Variants in NANS observed in about 807,000 individuals in gnomAD.
The protein encoded by NANS is N-acetylneuraminate synthase.
In NANS, 29 loss-of-function variants were observed where a neutral mutation model predicts 33.3. The observed-to-expected ratio is 0.87, with a 90% CI of 0.65 to 1.19. The LOEUF (loss-of-function observed/expected upper bound fraction) is 1.19, where lower values mean the gene tolerates loss of function less well. Ranked by LOEUF, NANS falls within the 50% of genes most tolerant of loss-of-function variation. NANS has a pLI of 0.00. For missense variants in NANS, 394 were observed against 461.1 expected, an observed-to-expected ratio of 0.85 and a Z score of 1.33; for synonymous variants, 163 against 177.2, an observed-to-expected ratio of 0.92 and a Z score of 0.64.
At chr9:98,077,082 A>G (rs1829626723) in intron 3 of NANS, 65 bp downstream of exon 3, 1 of 1,181,590 alleles carries the variant, frequency 8.5e-7, no homozygotes, top group South Asian at 1.4e-5. Context: ...TACTCCCCTC[A>G]TGGTGGCCCA....
intron 2 of NANS, among the ~76,000 whole-genome samples, chr9:98,066,156 A>G (rs1378332172): frequency 6.6e-6 from 1 of 152,208 alleles, no homozygotes; most frequent in Non-Finnish European, 1.5e-5. Context: ...GAGAAATGTT[A>G]TGTGTGCATT....
intron 2 of NANS, among the ~76,000 whole-genome samples, chr9:98,064,973 T>C (rs1829093204): frequency 6.6e-6 from 1 of 152,160 alleles, no homozygotes; most frequent in Non-Finnish European, 1.5e-5. Flanking sequence ...TTAGATATAT[T>C]GCTGATCTTC....
At chr9:98,078,062 G>A in intron 3 of NANS, 131 bp from the exon 4 acceptor site, 3 of 1,352,264 alleles carry the variant, frequency 2.2e-6, no homozygotes, top group South Asian at 1.5e-5. Flanking sequence ...TCCCCCACAG[G>A]GGCTGGCACA....
chr9:98,073,271 C>CCTTTTTTTTTTTTTTTTTTT (rs1564161444), intron 2 of NANS, among the ~76,000 whole-genome samples: 1 of 57,826 alleles, frequency 1.7e-5, no homozygotes, highest in Non-Finnish European at 3.0e-5. Context: ...TCACCATGGG[C>CCTTTTTTTTTTTTTTTTTTT]TTTTTTTTTT....
At chr9:98,081,258 T>C in intron 5 of NANS, 176 bp downstream of exon 5, 1 of 799,638 alleles carries the variant, frequency 1.3e-6, no homozygotes, top group Non-Finnish European at 1.9e-6. Flanking sequence ...CATGTCACTC[T>C]GGCCTGTAGC....
At chr9:98,057,917 T>C (rs867605757) in intron 1 of NANS, among the ~76,000 whole-genome samples, 12 of 119,254 alleles carry the variant, frequency 1.0e-4, no homozygotes, top group African/African-American at 2.2e-4. Flanking sequence ...TTTTTTTTTT[T>C]CCTGGTTTTT....
At position 98,072,036 on chromosome 9, in the gene NANS, C is replaced by G. The variant is rs111750383; in HGVS notation, c.349-4882C>G. Among the ~76,000 whole-genome samples, 496 of 152,288 alleles carry G rather than the reference C, an allele frequency of 3.3e-3. 2 individuals are homozygous for G. The highest frequency in any genetic ancestry group is 0.011 in the African/African-American group (477 of 41,552). On this transcript the variant is annotated intron_variant, in intron 2 of 5. Coordinates refer to ENST00000210444, the MANE Select transcript of NANS (RefSeq NM_018946.4). ...TCCTTGGTTTTCCTTCCCTCTGCTC[C>G]CCAGGCAGCCCATTTGCTTGGTGTC...
At chr9:98,068,665 A>AAG (rs1463776822) in intron 2 of NANS, among the ~76,000 whole-genome samples, 1 of 151,224 alleles carries the variant, frequency 6.6e-6, no homozygotes, top group African/African-American at 2.4e-5. Flanking sequence ...AAAAAAAAAA[A>AAG]AGCCAGGCAT....
chr9:98,062,399 GTCCCATCTGCTC>G (rs1201099370), intron 2 of NANS, among the ~76,000 whole-genome samples: 1 of 152,030 alleles, frequency 6.6e-6, no homozygotes. Flanking sequence ...CAGGTCTCAG[GTCCCATCTGCTC>G]TGTGACCTGC....
At chr9:98,064,807 A>G (rs1251757281) in intron 2 of NANS, among the ~76,000 whole-genome samples, 1 of 151,828 alleles carries the variant, frequency 6.6e-6, no homozygotes, top group Non-Finnish European at 1.5e-5. Flanking sequence ...CAGAGCGTAG[A>G]CTCCCACTGT....
Position 98,057,921 on chromosome 9 carries a change from G to GTTT in NANS, c.132+981_132+982insTTT, listed in dbSNP as rs1491129722. Among the ~76,000 whole-genome samples, 316 of 87,438 alleles carry GTTT rather than the reference G, an allele frequency of 3.6e-3. 11 individuals are homozygous for GTTT. Among genetic ancestry groups the GTTT allele is most frequent in the Admixed American group, 0.033 (252 of 7,628 alleles). 57.4% of individuals were successfully genotyped at this position (87,438 alleles called of 152,430 possible). On this transcript the variant is annotated intron_variant, in intron 1 of 5. Coordinates refer to ENST00000210444, the MANE Select transcript of NANS (RefSeq NM_018946.4). Reference sequence around the variant, plus strand: ...CTTACTGTTTTTTTTTTTTTTTCCTGGTTTTTTTTTTTTTTTTTTTTGAGA... The same window carrying GTTT: ...CTTACTGTTTTTTTTTTTTTTTCCTGTTTGTTTTTTTTTTTTTTTTTTTTGAGA...
Position 98,080,906 on chromosome 9 carries a change from G to T in NANS, c.694G>T (p.Ala232Ser), listed in dbSNP as rs756816541. The change falls in exon 5 of 6, where the codon GCC becomes TCC. Residue 232 changes from alanine to serine, a missense_variant. By Grantham distance (99) the Ala-to-Ser change is moderately conservative. Coordinates refer to ENST00000210444, the MANE Select transcript of NANS (RefSeq NM_018946.4). ...AISVAAVALG[A>S]KVLERHITLD... The stretch of plus-strand genomic sequence containing the variant: ...ATCTGTGGCCGCAGTGGCTCTGGGG[G>T]CCAAGGTGTTGGAACGTCACATAAC... 12 of 1,614,220 alleles carry T rather than the reference G, an allele frequency of 7.4e-6. No homozygotes were observed. The South Asian group carries it at 1.3e-4, about 18-fold the overall frequency.
intron 2 of NANS, chr9:98,069,363 GC>G (rs1280230987): frequency 6.7e-6 from 1 of 150,090 alleles, no homozygotes; most frequent in Non-Finnish European, 1.5e-5. Context: ...AACCTCCGCT[GC>G]CCGGGTTCAA....
intron 2 of NANS, among the ~76,000 whole-genome samples, chr9:98,071,110 C>A (rs1655997399): frequency 6.6e-6 from 1 of 152,254 alleles, no homozygotes; most frequent in South Asian, 2.1e-4. Flanking sequence ...CTGCACTTGG[C>A]CTCCTTAGTA....
intron 2 of NANS, among the ~76,000 whole-genome samples, chr9:98,062,716 T>C (rs1216063619): frequency 6.6e-6 from 1 of 151,694 alleles, no homozygotes; most frequent in Non-Finnish European, 1.5e-5. Context: ...ATATTTCTTT[T>C]GGTGCATGTA....
intron 5 of NANS, 106 bp from the exon 6 acceptor site, chr9:98,082,740 A>C: frequency 9.5e-7 from 1 of 1,049,082 alleles, no homozygotes; most frequent in Non-Finnish European, 1.4e-6. Flanking sequence ...GCCTGCTCCC[A>C]AGGTACTGCC....
chr9:98,070,624 T>G (rs553208313), intron 2 of NANS, among the ~76,000 whole-genome samples: 1 of 152,114 alleles, frequency 6.6e-6, no homozygotes, highest in East Asian at 1.9e-4. Flanking sequence ...TTTTACCATT[T>G]GGCCAGGCTG....
intron 1 of NANS, among the ~76,000 whole-genome samples, chr9:98,060,348 T>A (rs879435271): frequency 6.6e-6 from 1 of 152,162 alleles, no homozygotes; most frequent in Non-Finnish European, 1.5e-5. Flanking sequence ...GTCCTTAAGG[T>A]CTCTGTCAGT....
chr9:98,080,857 T>C lies in NANS; in HGVS notation c.645T>C (p.Ser215=). 1 of 1,610,992 alleles carries C rather than the reference T, an allele frequency of 6.2e-7. No homozygotes were observed. The highest frequency in any genetic ancestry group is 8.5e-7 in the Non-Finnish European group (1 of 1,177,544). The change falls in exon 5 of 6, where the codon TCT becomes TCC. Residue 215 remains serine, a synonymous_variant. Transcript: ENST00000210444. ...TTCCTGACATTCCCATAGGGTATTC[T>C]GGGCATGAAACAGGCATAGCGATAT... is the stretch of plus-strand genomic sequence containing the variant. ...KLFPDIPIGY[S]GHETGIAISV...
Sources: gnomAD v4.1 joint callset for allele counts (sites outside exome capture counted in the v4.1 genomes callset) on GRCh38, gnomAD v4.1.1 for gene constraint, MANE v1.5 for transcripts, NCBI Gene and HGNC (gene_info 2026-07-23, HGNC 2026-07-21) for gene names.